PCDHGA2: variants seen among roughly 807,000 people sequenced by gnomAD.
PCDHGA2 encodes protocadherin gamma-A2.
In PCDHGA2, 40 loss-of-function variants were observed where a neutral mutation model predicts 59.2. The ratio of observed to expected loss-of-function variants is 0.68; its 90% confidence interval spans 0.52 to 0.88. The LOEUF is 0.88. PCDHGA2 is among the 40% of genes least tolerant of loss of function. The pLI is 0.00. For synonymous variants in PCDHGA2, 560 were observed against 526.0 expected (o/e 1.06, Z -0.89); for missense variants, 1,226 against 1,204.0 (o/e 1.02, Z -0.27).
rs566049956 is a variant in PCDHGA2 at position 141,511,685 on chromosome 5, G to A, written c.*512G>A. 1.0e-5 allele frequency: 2 copies of A among 198,374 alleles called. No individual in the cohort carries two copies. Among genetic ancestry groups the A allele is most frequent in the Non-Finnish European group, 2.1e-5 (2 of 94,428 alleles). The allele number at this position is 198,374 out of a possible 1,614,324, so 12.3% of individuals were successfully genotyped here. On this transcript the variant is annotated 3_prime_UTR_variant, in exon 4 of 4. Coordinates refer to ENST00000394576, the MANE Select transcript of PCDHGA2 (RefSeq NM_018915.4). ...GATTCTCAATCTTCCCCCAAAGCAT[G>A]GTTTGGTGCCAGCCCCTTCACCTCC...
At position 141,485,227 on chromosome 5, in the gene PCDHGA2, G is replaced by C. The variant is rs2099609828; in HGVS notation, c.2425-9580G>C. 1 of 1,614,186 alleles carries C rather than the reference G, an allele frequency of 6.2e-7. No individual in the cohort carries two copies. Among genetic ancestry groups the C allele is most frequent in the Non-Finnish European group, 8.5e-7 (1 of 1,180,020 alleles). On this transcript the variant is annotated intron_variant, in intron 1 of 3. Transcript: ENST00000394576. The surrounding 1 kb of genome is among the most constrained non-coding windows in gnomAD (Gnocchi z 5.7). The stretch of plus-strand genomic sequence containing the variant: ...AAATCTGGCGGTGGGCTACCCTTTT[G>C]TTCCTCTTTTACCACCTGGGTTACG...
intron 1 of PCDHGA2, chr5:141,413,070 T>C: frequency 8.4e-7 from 1 of 1,195,132 alleles, no homozygotes; most frequent in African/African-American, 1.5e-5. Context: ...GAATTTAAAG[T>C]GCCCAGGCTA....
intron 1 of PCDHGA2, among the ~76,000 whole-genome samples, chr5:141,387,106 A>G (rs2090822229): frequency 6.6e-6 from 1 of 152,238 alleles, no homozygotes; most frequent in African/African-American, 2.4e-5. Context: ...GAATCACATA[A>G]TATTCCTGTA....
chr5:141,509,873 G>C (rs2099878704), intron 3 of PCDHGA2, among the ~76,000 whole-genome samples: 1 of 152,196 alleles, frequency 6.6e-6, no homozygotes, highest in South Asian at 2.1e-4. Flanking sequence ...CAAGCTGCTG[G>C]TGGTGATGGT....
At chr5:141,453,586 C>T (rs1409763264) in intron 1 of PCDHGA2, among the ~76,000 whole-genome samples, 1 of 152,204 alleles carries the variant, frequency 6.6e-6, no homozygotes, top group Non-Finnish European at 1.5e-5. Context: ...GGTTTATCCT[C>T]ACTGTGTTTC....
At chr5:141,380,260 G>A (rs1776331356) in intron 1 of PCDHGA2, among the ~76,000 whole-genome samples, 1 of 152,114 alleles carries the variant, frequency 6.6e-6, no homozygotes, top group South Asian at 2.1e-4. Context: ...AGGGGAAGGA[G>A]TAAAATCTCA....
intron 1 of PCDHGA2, chr5:141,441,726 C>A: frequency 2.8e-6 from 1 of 353,524 alleles, no homozygotes; most frequent in Non-Finnish European, 5.6e-6. Flanking sequence ...GGCCCGCGAC[C>A]AGGACTAGCT....
Position 141,485,835 on chromosome 5 carries a change from C to T in PCDHGA2, c.2425-8972C>T, listed in dbSNP as rs747722740. On this transcript the variant is annotated intron_variant, in intron 1 of 3. Transcript: ENST00000394576. This position sits in a 1 kb window ranked among gnomAD's most constrained non-coding sequence, Gnocchi z 5.7. ...ACTGCTGTCGATGGAGGGAACCCGC[C>T]GAGATCTGGCACCGCAGAGCTCCGG... 6.2e-7 allele frequency: 1 copy of T among 1,614,190 alleles called. No homozygotes were observed. Among genetic ancestry groups the T allele is most frequent in the Non-Finnish European group, 8.5e-7 (1 of 1,180,048 alleles).
chr5:141,388,812 G>A, intron 1 of PCDHGA2: 3 of 1,613,934 alleles, frequency 1.9e-6, no homozygotes, highest in Non-Finnish European at 2.5e-6. Context: ...TTTTGAAGAA[G>A]TCAAAGAATA....
At chr5:141,436,384 CT>C (rs768914860) in intron 1 of PCDHGA2, among the ~76,000 whole-genome samples, 1 of 152,104 alleles carries the variant, frequency 6.6e-6, no homozygotes, top group Non-Finnish European at 1.5e-5. Context: ...GCTGAATAGG[CT>C]TTATTAAATA....
At position 141,404,686 on chromosome 5, in the gene PCDHGA2, A is replaced by G. The variant is rs1281158377; in HGVS notation, c.2424+63291A>G. On this transcript the variant is annotated intron_variant, in intron 1 of 3. Transcript: ENST00000394576. ...ATGGTTCTACTGGTGTGGAGCTGGC[A>G]CCCCGCTCTGCAGAGCCTGGCTACC... 4 of 1,613,710 alleles carry G rather than the reference A, an allele frequency of 2.5e-6. No individual in the cohort carries two copies. In the African/African-American group the frequency reaches 5.3e-5, roughly 22 times the overall value.
intron 1 of PCDHGA2, chr5:141,409,633 TG>T: frequency 6.2e-7 from 1 of 1,613,852 alleles, no homozygotes; most frequent in Non-Finnish European, 8.5e-7. Context: ...TGAGCGCCTC[TG>T]ACCCGGATTT....
At position 141,450,006 on chromosome 5, in the gene PCDHGA2, C is replaced by CTTTTT. The variant is rs1554136305; in HGVS notation, c.2425-44787_2425-44783dup. ...CACATTGCATTTAGTTGCCATGTCTCTTTTTTTTTTTTTTTTTTGAGACAG... is the reference window on the plus strand; with the variant it reads ...CACATTGCATTTAGTTGCCATGTCTCTTTTTTTTTTTTTTTTTTTTTTTGAGACAG... On this transcript the variant is annotated intron_variant, in intron 1 of 3. Transcript: ENST00000394576. Among the ~76,000 whole-genome samples the CTTTTT allele has an allele frequency of 3.4e-4, 45 of 132,908 alleles. 3 individuals carry two copies. Among genetic ancestry groups the CTTTTT allele is most frequent in the South Asian group, 7.1e-4 (3 of 4,236 alleles). 87.2% of individuals were successfully genotyped at this position (132,908 alleles called of 152,430 possible).
rs754747902 is a variant in PCDHGA2 at position 141,417,898 on chromosome 5, G to T, written c.2424+76503G>T. The T allele has an allele frequency of 5.5e-5, 87 of 1,579,262 alleles. 1 individual carries two copies. The South Asian group carries it at 7.8e-4, about 14-fold the overall frequency. The stretch of plus-strand genomic sequence containing the variant: ...GCGCGCAGAGGCGCCGGGCCGGCCC[G>T]CGGCAGGTACTATTTCCTTTGCTGC... On this transcript the variant is annotated intron_variant, in intron 1 of 3. Coordinates refer to ENST00000394576, the MANE Select transcript of PCDHGA2 (RefSeq NM_018915.4).
intron 1 of PCDHGA2, among the ~76,000 whole-genome samples, chr5:141,380,225 C>T (rs1000476704): frequency 6.6e-6 from 1 of 152,124 alleles, no homozygotes; most frequent in Non-Finnish European, 1.5e-5. Context: ...TCTGATCAGG[C>T]TTCTGTTGAG....
At chr5:141,362,647 G>A (rs1762612378) in intron 1 of PCDHGA2, 3 of 1,443,954 alleles carry the variant, frequency 2.1e-6, no homozygotes, top group South Asian at 1.4e-5. Context: ...TTGTCTGTGA[G>A]TTAGATTTGG....
At chr5:141,390,321 C>T (rs776100029) in intron 1 of PCDHGA2, 13 of 1,606,964 alleles carry the variant, frequency 8.1e-6, no homozygotes, top group Admixed American at 1.7e-5. Context: ...TCATTGCCTA[C>T]CCATTTCTCC....
chr5:141,428,861 T>G (rs1435613271), intron 1 of PCDHGA2: 1 of 73,058 alleles, frequency 1.4e-5, no homozygotes, highest in Non-Finnish European at 2.5e-5. Flanking sequence ...TACGGGAGAC[T>G]TTTTTTTTTT....
intron 1 of PCDHGA2, chr5:141,356,284 C>G (rs2149790554): frequency 1.3e-6 from 2 of 1,556,978 alleles, no homozygotes; most frequent in East Asian, 4.8e-5. Context: ...ATCTTCTTCC[C>G]CGGGTACAGT....
Sources: allele counts gnomAD v4.1 joint callset (sites outside exome capture counted in the v4.1 genomes callset), GRCh38; gene constraint gnomAD v4.1.1; non-coding constraint Gnocchi (gnomAD v3.1); transcripts MANE v1.5; gene names NCBI Gene and HGNC (gene_info 2026-07-23, HGNC 2026-07-21).